Variants in FSTL4 observed in about 807,000 individuals in gnomAD.
FSTL4 encodes the protein follistatin like 4, also known as follistatin-related protein 4.
In FSTL4, 28 loss-of-function variants were observed where a neutral mutation model predicts 78.2. That is an observed-to-expected ratio of 0.36 (90% CI 0.27 to 0.49). The LOEUF (loss-of-function observed/expected upper bound fraction) is 0.49, where lower values mean the gene tolerates loss of function less well. FSTL4 is among the 20% of genes least tolerant of loss of function. The probability of loss-of-function intolerance (pLI) is 0.98; values close to 1 mark genes in which losing one functional copy is unlikely to be tolerated. For missense variants in FSTL4, 922 were observed against 1,084.9 expected, an observed-to-expected ratio of 0.85 and a Z score of 2.11; for synonymous variants, 422 against 440.5, an observed-to-expected ratio of 0.96 and a Z score of 0.53.
intron 3 of FSTL4, among the ~76,000 whole-genome samples, chr5:133,406,632 TG>T (rs1259633802): frequency 6.6e-6 from 1 of 152,168 alleles, no homozygotes; most frequent in Non-Finnish European, 1.5e-5. Context: ...AGGGTTGGGA[TG>T]AGAATCTGTA....
chr5:133,833,791 G>A, the FSTL4 span, among the ~76,000 whole-genome samples: 39,025 of 152,054 alleles, frequency 0.26, 5,477 homozygotes, highest in African/African-American at 0.37. Flanking sequence ...AAAACTAGGA[G>A]TTGGAAAAAT....
intron 2 of FSTL4, among the ~76,000 whole-genome samples, chr5:133,590,548 C>G (rs962464360): frequency 2.6e-5 from 4 of 152,022 alleles, no homozygotes; most frequent in Non-Finnish European, 1.5e-5. Context: ...CCATGACTCC[C>G]CTCCCATGTA....
intron 7 of FSTL4, chr5:133,243,900 G>A (rs1751956021): frequency 6.6e-6 from 1 of 152,250 alleles, no homozygotes; most frequent in African/African-American, 2.4e-5. Context: ...TGAGATGAAG[G>A]GTGGGTGACA....
the FSTL4 span, among the ~76,000 whole-genome samples, chr5:133,796,769 G>T: frequency 2.0e-5 from 3 of 152,080 alleles, no homozygotes; most frequent in Non-Finnish European, 4.4e-5. Context: ...GGGCCAAACG[G>T]CAACTTTTTG....
intron 4 of FSTL4, among the ~76,000 whole-genome samples, chr5:133,331,180 C>T (rs1355455730): frequency 6.6e-6 from 1 of 152,198 alleles, no homozygotes; most frequent in Non-Finnish European, 1.5e-5. Context: ...ACTGGGCTCT[C>T]TCCTGTCTCT....
chr5:133,240,765 A>C (rs1049077679), intron 7 of FSTL4, among the ~76,000 whole-genome samples: 1 of 152,088 alleles, frequency 6.6e-6, no homozygotes, highest in Non-Finnish European at 1.5e-5. Context: ...GAGCTCAATG[A>C]ATATTTGCTG....
At chr5:133,375,029 A>G (rs1274733564) in intron 4 of FSTL4, among the ~76,000 whole-genome samples, 1 of 151,954 alleles carries the variant, frequency 6.6e-6, no homozygotes, top group Non-Finnish European at 1.5e-5. Flanking sequence ...GAACCTTGAG[A>G]GGCAATCAAA....
At chr5:133,524,460 G>A (rs1759048776) in intron 3 of FSTL4, among the ~76,000 whole-genome samples, 1 of 152,176 alleles carries the variant, frequency 6.6e-6, no homozygotes, top group African/African-American at 2.4e-5. Flanking sequence ...TCAACTCTGA[G>A]GAGTTTGTAG....
chr5:133,372,499 G>A (rs13177343), intron 4 of FSTL4, among the ~76,000 whole-genome samples: 13,120 of 152,062 alleles, frequency 0.086, 684 homozygotes, highest in South Asian at 0.13. Flanking sequence ...TTTCCACAAC[G>A]AGCCCTGGAG....
the FSTL4 span, among the ~76,000 whole-genome samples, chr5:133,641,143 G>C: frequency 2.6e-5 from 4 of 152,250 alleles, no homozygotes; most frequent in African/African-American, 9.6e-5. Flanking sequence ...TGCTGATTGA[G>C]TAACTTGGAG....
At chr5:133,268,948 G>C (rs1245787727) in intron 6 of FSTL4, among the ~76,000 whole-genome samples, 1 of 152,116 alleles carries the variant, frequency 6.6e-6, no homozygotes, top group Non-Finnish European at 1.5e-5. Flanking sequence ...TTGGGAGGCC[G>C]AGGTGGGTAG....
the FSTL4 span, among the ~76,000 whole-genome samples, chr5:133,787,559 C>T: frequency 6.6e-6 from 1 of 151,834 alleles, no homozygotes; most frequent in South Asian, 2.1e-4. Context: ...GGAGGCCACC[C>T]TCCCCGCCCC....
At chr5:133,296,964 C>T (rs1753409940) in intron 6 of FSTL4, among the ~76,000 whole-genome samples, 1 of 152,174 alleles carries the variant, frequency 6.6e-6, no homozygotes, top group Admixed American at 6.5e-5. Flanking sequence ...ACACTGCAGC[C>T]TCAGGTGTAG....
intron 4 of FSTL4, among the ~76,000 whole-genome samples, chr5:133,380,299 G>T (rs1013668089): frequency 2.6e-5 from 4 of 151,204 alleles, no homozygotes; most frequent in Admixed American, 2.6e-4. Context: ...CCTTTAGCTA[G>T]ACTAACAAAA....
At chr5:133,369,601 T>C (rs1755248280) in intron 4 of FSTL4, among the ~76,000 whole-genome samples, 1 of 152,210 alleles carries the variant, frequency 6.6e-6, no homozygotes, top group Non-Finnish European at 1.5e-5. Context: ...GCACCCAGCC[T>C]GACACAGCCC....
intron 4 of FSTL4, among the ~76,000 whole-genome samples, chr5:133,391,107 C>T (rs545983416): frequency 7.2e-5 from 11 of 152,278 alleles, no homozygotes; most frequent in East Asian, 1.9e-4. Context: ...TTGAGGCAGG[C>T]GTACAGAGAC....
chr5:133,611,888 G>A lies in FSTL4; in HGVS notation c.-11+437C>T, dbSNP rs375473149. On this transcript the variant is annotated intron_variant, in intron 1 of 15. Transcript: ENST00000265342. The surrounding 1 kb of genome is among the most constrained non-coding windows in gnomAD (Gnocchi z 4.9). ...GAGCCAAGGGCACCGGGCCCGGGCC[G>A]AGGGGCCGCGCTCGCCTGGCTCCGC... 3.6e-4 allele frequency among the ~76,000 whole-genome samples: 55 copies of A among 152,106 alleles called. No individual in the cohort carries two copies. The highest frequency in any genetic ancestry group is 7.1e-4 in the Non-Finnish European group (48 of 67,976).
chr5:133,662,001 CA>C, the FSTL4 span, among the ~76,000 whole-genome samples: 1 of 152,244 alleles, frequency 6.6e-6, no homozygotes, highest in Admixed American at 6.5e-5. Context: ...ATTTTATTAC[CA>C]GAATCCAACC....
intron 4 of FSTL4, among the ~76,000 whole-genome samples, chr5:133,352,927 C>T (rs1350252194): frequency 2.6e-5 from 4 of 152,164 alleles, no homozygotes; most frequent in African/African-American, 9.7e-5. Flanking sequence ...TTTAAACACT[C>T]TTTAAAAATT....
Sources: allele counts gnomAD v4.1 joint callset (sites outside exome capture counted in the v4.1 genomes callset), GRCh38; gene constraint gnomAD v4.1.1; non-coding constraint Gnocchi (gnomAD v3.1); transcripts MANE v1.5; gene names NCBI Gene and HGNC (gene_info 2026-07-23, HGNC 2026-07-21).